The following SEPTIN6 variants were observed in gnomAD, a reference collection of about 807,000 sequenced individuals.
SEPTIN6 encodes the protein septin 6, also known as septin-6.
A neutral mutation model predicts 33.6 loss-of-function variants in SEPTIN6; 8 were observed. That is an observed-to-expected ratio of 0.24 (90% CI 0.14 to 0.43). The LOEUF (loss-of-function observed/expected upper bound fraction) is 0.43. Among genes scored for constraint, SEPTIN6 ranks in the 20% least tolerant of loss-of-function variants. SEPTIN6 has a pLI of 1.00. For missense variants in SEPTIN6, 250 were observed against 340.8 expected, an observed-to-expected ratio of 0.73 and a Z score of 2.10; for synonymous variants, 131 against 140.0, an observed-to-expected ratio of 0.94 and a Z score of 0.45.
At position 119,688,706 on chromosome X, in the gene SEPTIN6, C is replaced by CG. The variant is rs1556337345; in HGVS notation, c.30+4369dup. 5.8e-5 allele frequency among the ~76,000 whole-genome samples: 5 copies of CG among 85,630 alleles called. 1 individual carries two copies. The highest frequency in any genetic ancestry group is 2.6e-4 in the African/African-American group (4 of 15,117). 74.4% of individuals were successfully genotyped at this position (85,630 alleles called of 115,157 possible). On this transcript the variant is annotated intron_variant, in intron 1 of 10. Transcript: ENST00000394610. ...TGGGCGACAGAACAAGACTCCATCT[C>CG]GGGGAAAAAAAAAAAAAAAAGGAAA...
At chrX:119,685,552 CAG>C (rs2055041632) in intron 1 of SEPTIN6, among the ~76,000 whole-genome samples, 1 of 111,718 alleles carries the variant, frequency 9.0e-6, no homozygotes, top group Non-Finnish European at 1.9e-5. Context: ...AAAGGGGAAA[CAG>C]AGACTCACAG....
At chrX:119,692,117 T>C (rs771975730) in intron 1 of SEPTIN6, among the ~76,000 whole-genome samples, 216 of 110,514 alleles carry the variant, frequency 2.0e-3, no homozygotes, top group Non-Finnish European at 3.4e-3. Flanking sequence ...ATTTTTTTTT[T>C]CCCAGAGTCG....
chrX:119,669,799 C>G (rs1270378145), intron 2 of SEPTIN6, among the ~76,000 whole-genome samples: 1 of 111,804 alleles, frequency 8.9e-6, no homozygotes, highest in African/African-American at 3.3e-5. Context: ...AACAATTGAT[C>G]CTTGGCCTTG....
At chrX:119,656,796 G>A (rs1020469323) in intron 3 of SEPTIN6, among the ~76,000 whole-genome samples, 1 of 112,265 alleles carries the variant, frequency 8.9e-6, no homozygotes, top group African/African-American at 3.2e-5. Flanking sequence ...TGAGGCAGGA[G>A]AATTGCTTGA....
intron 8 of SEPTIN6, 71 bp from the exon 9 acceptor site, chrX:119,629,579 G>C (rs986952434): frequency 1.2e-5 from 12 of 1,007,390 alleles, no homozygotes; most frequent in Admixed American, 4.6e-5. Flanking sequence ...AAGCCCAGGT[G>C]GGTGGGGACC....
intron 2 of SEPTIN6, among the ~76,000 whole-genome samples, chrX:119,666,120 C>T (rs1239993909): frequency 9.1e-6 from 1 of 109,987 alleles, no homozygotes; most frequent in East Asian, 2.9e-4. Context: ...GCAGGCACTT[C>T]GAAGAGAGGA....
chrX:119,654,853 C>T (rs2054412821), intron 3 of SEPTIN6, among the ~76,000 whole-genome samples: 1 of 111,311 alleles, frequency 9.0e-6, no homozygotes, highest in African/African-American at 3.3e-5. Context: ...GCCACTGTTC[C>T]GAAGGGTAAT....
chrX:119,674,026 T>C (rs922522403), intron 2 of SEPTIN6, among the ~76,000 whole-genome samples: 1 of 110,741 alleles, frequency 9.0e-6, no homozygotes, highest in African/African-American at 3.3e-5. Context: ...TTTCAGCCAG[T>C]ACAAAAACAG....
Position 119,617,357 on chromosome X carries a change from T to C in SEPTIN6, c.*2736A>G, listed in dbSNP as rs2147418457. On this transcript the variant is annotated 3_prime_UTR_variant, in exon 11 of 11. Coordinates refer to ENST00000394610, the MANE Select transcript of SEPTIN6 (RefSeq NM_145799.4). ...CCAATGAAATACACATTTTAATAGGTTGATCAACTTTTTAATTTATGTTCA... is the reference window on the plus strand; with the variant it reads ...CCAATGAAATACACATTTTAATAGGCTGATCAACTTTTTAATTTATGTTCA... 3 of 801,376 alleles carry C rather than the reference T, an allele frequency of 3.7e-6. No homozygotes were observed. In the South Asian group the frequency reaches 2.0e-4, roughly 53 times the overall value. 66.0% of individuals were successfully genotyped at this position (801,376 alleles called of 1,213,427 possible).
chrX:119,685,502 C>A (rs763912539), intron 1 of SEPTIN6, among the ~76,000 whole-genome samples: 2 of 111,375 alleles, frequency 1.8e-5, no homozygotes, highest in Non-Finnish European at 3.8e-5. Flanking sequence ...GAGCTGGAAA[C>A]GCCCTTAAAG....
At chrX:119,648,763 C>T (rs2054306816) in intron 5 of SEPTIN6, among the ~76,000 whole-genome samples, 1 of 112,025 alleles carries the variant, frequency 8.9e-6, no homozygotes, top group Non-Finnish European at 1.9e-5. Flanking sequence ...AGGGCAGTGG[C>T]AGCAGGAAAG....
chrX:119,629,862 G>A (rs2053929855), intron 8 of SEPTIN6, among the ~76,000 whole-genome samples: 1 of 112,156 alleles, frequency 8.9e-6, no homozygotes, highest in East Asian at 2.8e-4. Context: ...GCTCAGGCCT[G>A]TAATCCTAGC....
intron 1 of SEPTIN6, among the ~76,000 whole-genome samples, chrX:119,676,677 G>A (rs193157602): frequency 4.5e-5 from 5 of 110,974 alleles, no homozygotes; most frequent in East Asian, 2.8e-4. Flanking sequence ...AGGCTGAGGC[G>A]GGAGGATTGC....
intron 1 of SEPTIN6, among the ~76,000 whole-genome samples, chrX:119,678,701 C>A (rs1199076943): frequency 9.0e-6 from 1 of 110,602 alleles, no homozygotes; most frequent in Non-Finnish European, 1.9e-5. Context: ...GCAGGGGAGT[C>A]AGGGACATGA....
Position 119,618,715 on chromosome X carries a change from C to T in SEPTIN6, c.*1378G>A, listed in dbSNP as rs778135022. 7.5e-6 allele frequency: 9 copies of T among 1,198,774 alleles called. No individual in the cohort carries two copies. Among genetic ancestry groups the T allele is most frequent in the Admixed American group, 4.5e-5 (2 of 44,442 alleles). On this transcript the variant is annotated 3_prime_UTR_variant, in exon 11 of 11. Transcript: ENST00000394610. ...AAGCTGTCAGTTAAAATAGGAACCTCGGCTTAAAAGGCTAAATGGAGTCCA... is the reference window on the plus strand; with the variant it reads ...AAGCTGTCAGTTAAAATAGGAACCTTGGCTTAAAAGGCTAAATGGAGTCCA...
At chrX:119,629,119 T>G (rs1029826602) in intron 9 of SEPTIN6, 199 bp downstream of exon 9, 1 of 418,055 alleles carries the variant, frequency 2.4e-6, no homozygotes, top group Non-Finnish European at 4.1e-6. Context: ...ACCCCTCTGC[T>G]ACTCTCAACT....
chrX:119,619,904 A>T lies in SEPTIN6; in HGVS notation c.*189T>A. 1.8e-6 allele frequency: 2 copies of T among 1,119,789 alleles called. No individual in the cohort carries two copies. Among genetic ancestry groups the T allele is most frequent in the Non-Finnish European group, 2.3e-6 (2 of 853,209 alleles). 92.3% of individuals were successfully genotyped at this position (1,119,789 alleles called of 1,213,427 possible). ...TGACCAGCGGCCAGACATCACCCTC[A>T]GATTCTCAGGTTTCTATAAACCTTG... is the stretch of plus-strand genomic sequence containing the variant. On this transcript the variant is annotated 3_prime_UTR_variant, in exon 11 of 11. Coordinates refer to ENST00000394610, the MANE Select transcript of SEPTIN6 (RefSeq NM_145799.4).
intron 7 of SEPTIN6, among the ~76,000 whole-genome samples, chrX:119,636,760 T>C (rs1002878163): frequency 2.7e-5 from 3 of 111,574 alleles, no homozygotes; most frequent in Non-Finnish European, 3.8e-5. Flanking sequence ...TCAGCCTTGC[T>C]GGTCCTCTGG....
chrX:119,645,529 C>G (rs1486284336), intron 5 of SEPTIN6, among the ~76,000 whole-genome samples: 1 of 111,044 alleles, frequency 9.0e-6, no homozygotes, highest in African/African-American at 3.3e-5. Flanking sequence ...TCCTGAGTAG[C>G]TGGGATTATA....
Sources: allele counts gnomAD v4.1 joint callset (sites outside exome capture counted in the v4.1 genomes callset), GRCh38; gene constraint gnomAD v4.1.1; transcripts MANE v1.5; gene names NCBI Gene and HGNC (gene_info 2026-07-23, HGNC 2026-07-21).